The following CFAP69 variants were observed in gnomAD, a reference collection of about 807,000 sequenced individuals.
CFAP69 encodes the protein cilia- and flagella-associated protein 69.
CFAP69 carries 92 observed loss-of-function variants against 123.0 expected under a neutral mutation model. The observed-to-expected ratio is 0.75, with a 90% confidence interval of 0.63 to 0.89. The LOEUF is 0.89. CFAP69 is among the 40% of genes least tolerant of loss of function. CFAP69 has a pLI of 0.00. For missense variants in CFAP69, 1,067 were observed against 1,096.9 expected, an observed-to-expected ratio of 0.97 and a Z score of 0.39; for synonymous variants, 380 against 364.3, an observed-to-expected ratio of 1.04 and a Z score of -0.49.
At chr7:90,316,787 A>C in the CFAP69 span, 2 of 152,228 alleles carry the variant, frequency 1.3e-5, no homozygotes, top group African/African-American at 4.8e-5. Flanking sequence ...TTCAATTAAA[A>C]GAACTAGAAA....
intron 5 of CFAP69, among the ~76,000 whole-genome samples, chr7:90,266,489 T>C (rs1053631423): frequency 6.6e-6 from 1 of 152,196 alleles, no homozygotes; most frequent in African/African-American, 2.4e-5. Context: ...GTAGTTTTTG[T>C]TGGTAACATT....
chr7:90,297,883 G>A (rs2117302188), intron 16 of CFAP69, 53 bp downstream of exon 16: 1 of 1,204,742 alleles, frequency 8.3e-7, no homozygotes, highest in South Asian at 1.3e-5. Context: ...TCTATTAAAG[G>A]CCGTTTCCAA....
chr7:90,253,473 C>G (rs1373360944), intron 1 of CFAP69, among the ~76,000 whole-genome samples: 1 of 152,162 alleles, frequency 6.6e-6, no homozygotes. Context: ...TCACTGCAAC[C>G]TCCACCTCCC....
At chr7:90,247,422 G>A (rs568490555) in intron 1 of CFAP69, among the ~76,000 whole-genome samples, 28 of 152,316 alleles carry the variant, frequency 1.8e-4, no homozygotes, top group African/African-American at 5.8e-4. Context: ...CTAAAGGTGA[G>A]AGTATCACAA....
intron 4 of CFAP69, among the ~76,000 whole-genome samples, chr7:90,264,911 A>C (rs940587614): frequency 3.3e-5 from 5 of 151,950 alleles, no homozygotes. Context: ...CTCCTGCCTC[A>C]GCCTCCCGAG....
At chr7:90,270,833 G>GAGAT (rs1799841140) in intron 6 of CFAP69, among the ~76,000 whole-genome samples, 1 of 152,128 alleles carries the variant, frequency 6.6e-6, no homozygotes, top group Non-Finnish European at 1.5e-5. Context: ...ATCAAAAGGA[G>GAGAT]AGATAGTATT....
At chr7:90,277,362 A>C (rs748263658) in intron 11 of CFAP69, 28 bp downstream of exon 11, 1 of 1,441,508 alleles carries the variant, frequency 6.9e-7, no homozygotes. Flanking sequence ...CAGGAAAATC[A>C]ATAAAAATTG....
chr7:90,279,753 G>A lies in CFAP69; in HGVS notation c.1232G>A (p.Trp411Ter), dbSNP rs1789176769. 8 of 1,612,934 alleles carry A rather than the reference G, an allele frequency of 5.0e-6. No individual in the cohort carries two copies. Among genetic ancestry groups the A allele is most frequent in the Non-Finnish European group, 6.8e-6 (8 of 1,179,762 alleles). The part of the protein sequence containing the change: ...KKPEKQKIID[W>*]SAAQHEELQL... ...CCTGAGAAGCAAAAAATAATTGACT[G>A]GTCTGCAGCACAGCATGAAGAATTA... is the stretch of plus-strand genomic sequence containing the variant. The change falls in exon 12 of 23, where the codon TGG becomes TAG. Residue 411 changes from tryptophan to a stop codon, truncating the protein, a stop_gained. Transcript: ENST00000389297. LOFTEE classifies it high-confidence loss of function.
At chr7:90,290,807 TTTCTTTTCTTTTCTTTTTTA>T (rs1791061784) in intron 15 of CFAP69, among the ~76,000 whole-genome samples, 1 of 78,020 alleles carries the variant, frequency 1.3e-5, no homozygotes, top group Non-Finnish European at 2.8e-5. Context: ...TTTCTTTTCT[TTTCTTTTCTTTTCTTTTTTA>T]AGGGGAGCTA....
chr7:90,271,618 A>T lies in CFAP69; in HGVS notation c.625A>T (p.Asn209Tyr). Residue 209 changes from asparagine to tyrosine, a missense_variant, in exon 7 of 23, where the codon AAT becomes TAT. Asn to Tyr is a moderately radical substitution (Grantham distance 143). Transcript: ENST00000389297. ...TMVQSMTLLE[N>Y]QLVEKLWVLK... ...GGTCCAGTCAATGACCTTGCTTGAA[A>T]ATCAACTTGTTGAGAAACTTTGGGT... 6.2e-7 allele frequency: 1 copy of T among 1,613,712 alleles called. No individual in the cohort carries two copies. The highest frequency in any genetic ancestry group is 8.5e-7 in the Non-Finnish European group (1 of 1,179,704).
chr7:90,287,443 G>A (rs1034071995), intron 14 of CFAP69: 1 of 970,972 alleles, frequency 1.0e-6, no homozygotes, highest in Non-Finnish European at 1.2e-6. Flanking sequence ...GTTTGAATTG[G>A]GTTCAAACCC....
At chr7:90,262,096 G>C (rs1422933388) in intron 4 of CFAP69, 40 bp downstream of exon 4, 2 of 1,256,552 alleles carry the variant, frequency 1.6e-6, no homozygotes, top group Non-Finnish European at 2.3e-6. Context: ...TAGTAACATG[G>C]AGTATTTTAT....
At chr7:90,267,736 A>C (rs1799350570) in intron 5 of CFAP69, among the ~76,000 whole-genome samples, 1 of 152,216 alleles carries the variant, frequency 6.6e-6, no homozygotes, top group Admixed American at 6.5e-5. Context: ...AGAATGCATT[A>C]GTAAAGGCAA....
chr7:90,279,943 A>G (rs1023502431), intron 12 of CFAP69, 50 bp downstream of exon 12: 1 of 1,408,424 alleles, frequency 7.1e-7, no homozygotes, highest in Non-Finnish European at 9.6e-7. Flanking sequence ...TCATATTTCA[A>G]CTGAATGCTC....
intron 15 of CFAP69, among the ~76,000 whole-genome samples, chr7:90,291,438 C>T (rs1791175153): frequency 6.6e-6 from 1 of 152,070 alleles, no homozygotes; most frequent in Admixed American, 6.6e-5. Flanking sequence ...CTGTTTTATC[C>T]CCAAGGTCTT....
chr7:90,281,659 G>A (rs1241690597), intron 12 of CFAP69, among the ~76,000 whole-genome samples: 1 of 152,150 alleles, frequency 6.6e-6, no homozygotes, highest in Non-Finnish European at 1.5e-5. Context: ...GAAACTCTTA[G>A]AAGAAAACAT....
At chr7:90,286,133 C>T (rs1449221956) in intron 13 of CFAP69, 148 bp from the exon 14 acceptor site, 3 of 597,000 alleles carry the variant, frequency 5.0e-6, no homozygotes, top group Non-Finnish European at 5.2e-6. Context: ...GAGACCCTGT[C>T]TCTTTATAAC....
chr7:90,286,591 T>G, intron 14 of CFAP69, 192 bp downstream of exon 14: 1 of 483,488 alleles, frequency 2.1e-6, no homozygotes, highest in Non-Finnish European at 3.5e-6. Context: ...ATACCCCCAA[T>G]TAAAACAGAG....
chr7:90,249,245 GCTCT>G (rs911801891), intron 1 of CFAP69, among the ~76,000 whole-genome samples: 3 of 150,868 alleles, frequency 2.0e-5, no homozygotes, highest in African/African-American at 4.9e-5. Flanking sequence ...CTTCCTCTTT[GCTCT>G]CTCTCTCTCT....
Sources: gnomAD v4.1 joint callset for allele counts (sites outside exome capture counted in the v4.1 genomes callset) on GRCh38, gnomAD v4.1.1 for gene constraint, MANE v1.5 for transcripts, NCBI Gene and HGNC (gene_info 2026-07-23, HGNC 2026-07-21) for gene names.